Variants in NCAM1 observed in about 807,000 individuals in gnomAD.
NCAM1 encodes the protein antigen recognized by monoclonal antibody 5.1H11.
A neutral mutation model predicts 109.8 loss-of-function variants in NCAM1; 14 were observed. The observed-to-expected ratio is 0.13, with a 90% confidence interval of 0.08 to 0.20. The LOEUF is 0.20. NCAM1 is among the 10% of genes least tolerant of loss of function. The pLI, the probability that NCAM1 is intolerant of heterozygous loss-of-function variation, is 1.00. For missense variants in NCAM1, 774 were observed against 1,109.9 expected (o/e 0.70, Z 4.30); for synonymous variants, 418 against 442.9 (o/e 0.94, Z 0.70).
Position 112,963,052 on chromosome 11 carries a change from G to A in NCAM1, c.52+1388G>A, listed in dbSNP as rs1950614635. Among the ~76,000 whole-genome samples the A allele has an allele frequency of 6.6e-6, 1 of 152,090 alleles. No individual in the cohort carries two copies. Among genetic ancestry groups the A allele is most frequent in the Admixed American group, 6.5e-5 (1 of 15,294 alleles). On this transcript the variant is annotated intron_variant, in intron 1 of 19. Transcript: ENST00000316851. This position sits in a 1 kb window ranked among gnomAD's most constrained non-coding sequence, Gnocchi z 4.6. ...GGCGGCACAAGAGCAGCGCTCGGCC[G>A]CCGCCTCCAGCCAACTCGGGTCCCT...
intron 1 of NCAM1, among the ~76,000 whole-genome samples, chr11:113,053,830 G>A (rs1281127040): frequency 2.0e-5 from 3 of 152,172 alleles, no homozygotes; most frequent in African/African-American, 7.2e-5. Context: ...GTCCCTGGAA[G>A]TCCCTGGGGG....
rs946055322 is a variant in NCAM1 at position 113,040,399 on chromosome 11, T to A, written c.52+78735T>A. Among the ~76,000 whole-genome samples, 12 of 152,254 alleles carry A rather than the reference T, an allele frequency of 7.9e-5. No homozygotes were observed. In the East Asian group the frequency reaches 1.9e-3, roughly 25 times the overall value. Reference sequence around the variant, plus strand: ...AAAGGAACAATTGTATCATTACCCTTAAAAAGGGGACAGCAAACATTTTCA... The same window carrying A: ...AAAGGAACAATTGTATCATTACCCTAAAAAAGGGGACAGCAAACATTTTCA... On this transcript the variant is annotated intron_variant, in intron 1 of 19. Transcript: ENST00000316851.
At chr11:113,131,661 C>T (rs1296422533) in intron 1 of NCAM1, among the ~76,000 whole-genome samples, 4 of 152,232 alleles carry the variant, frequency 2.6e-5, no homozygotes, top group Admixed American at 2.0e-4. Context: ...GCAGGCTGTG[C>T]TCCACACAGT....
intron 17 of NCAM1, chr11:113,262,780 CCCACTG>C: frequency 6.4e-7 from 1 of 1,559,696 alleles, no homozygotes; most frequent in Admixed American, 1.8e-5. Flanking sequence ...CTGGGACATC[CCCACTG>C]CCACATTTGT....
At chr11:113,111,304 G>C (rs1940434244) in intron 1 of NCAM1, among the ~76,000 whole-genome samples, 2 of 151,984 alleles carry the variant, frequency 1.3e-5, no homozygotes, top group African/African-American at 4.8e-5. Context: ...AATTGCAAAA[G>C]TAATTATGTT....
chr11:113,183,149 C>G (rs917525724), intron 1 of NCAM1, among the ~76,000 whole-genome samples: 32 of 152,142 alleles, frequency 2.1e-4, no homozygotes, highest in Non-Finnish European at 2.9e-4. Flanking sequence ...TTTGTAGGGG[C>G]AAGACCAGAA....
intron 1 of NCAM1, among the ~76,000 whole-genome samples, chr11:113,056,007 A>G (rs1216779515): frequency 8.0e-6 from 1 of 124,748 alleles, no homozygotes; most frequent in African/African-American, 3.2e-5. Context: ...ATATATATAT[A>G]TATATATATA....
At chr11:113,267,035 C>A (rs1474708402) in intron 17 of NCAM1, among the ~76,000 whole-genome samples, 1 of 152,212 alleles carries the variant, frequency 6.6e-6, no homozygotes, top group Non-Finnish European at 1.5e-5. Flanking sequence ...CCTCTCAGAG[C>A]AGCCCACACT....
At chr11:113,104,462 TTATC>T (rs1940054691) in intron 1 of NCAM1, among the ~76,000 whole-genome samples, 1 of 151,986 alleles carries the variant, frequency 6.6e-6, no homozygotes, top group Non-Finnish European at 1.5e-5. Context: ...CATTTGAAAC[TTATC>T]TATTTGTTAT....
intron 1 of NCAM1, among the ~76,000 whole-genome samples, chr11:112,967,876 G>A (rs1950770456): frequency 6.6e-6 from 1 of 152,110 alleles, no homozygotes; most frequent in East Asian, 1.9e-4. Flanking sequence ...GGTCTTGTTG[G>A]GCCTGAAGGG....
chr11:113,005,711 C>T (rs2135043829), intron 1 of NCAM1, among the ~76,000 whole-genome samples: 1 of 152,286 alleles, frequency 6.6e-6, no homozygotes, highest in Admixed American at 6.5e-5. Context: ...ATTTTACAGA[C>T]TTTCAGACAA....
chr11:112,971,209 G>A (rs1219644230), intron 1 of NCAM1, among the ~76,000 whole-genome samples: 1 of 151,816 alleles, frequency 6.6e-6, no homozygotes, highest in African/African-American at 2.4e-5. Flanking sequence ...GGTAAGTACT[G>A]CTTTGAGTAC....
chr11:113,064,686 C>G (rs1175723406), intron 1 of NCAM1, among the ~76,000 whole-genome samples: 4 of 152,012 alleles, frequency 2.6e-5, no homozygotes, highest in African/African-American at 9.7e-5. Flanking sequence ...ATATTTTAAC[C>G]CACTCTTAAA....
intron 1 of NCAM1, among the ~76,000 whole-genome samples, chr11:113,115,273 G>A (rs1555094617): frequency 1.3e-5 from 2 of 152,112 alleles, no homozygotes; most frequent in African/African-American, 4.8e-5. Flanking sequence ...TAGGTACTGT[G>A]TCAAGGAAGC....
rs10562516 is a variant in NCAM1, at chr11:113,169,036, CTGTGTGTGTG to C, written c.53-33317_53-33308del. ...GAGAAGATCCTCTCTCTTCCTCTTT[CTGTGTGTGTG>C]TGTGTGTGTGTGTGTGTGTGTGTGT... On this transcript the variant is annotated intron_variant, in intron 1 of 19. Coordinates refer to ENST00000316851, the MANE Select transcript of NCAM1 (RefSeq NM_181351.5). Among the ~76,000 whole-genome samples the C allele has an allele frequency of 6.1e-3, 891 of 146,892 alleles. 13 individuals are homozygous for C. The highest frequency in any genetic ancestry group is 0.021 in the African/African-American group (818 of 39,892).
intron 1 of NCAM1, among the ~76,000 whole-genome samples, chr11:113,005,178 TAGA>T (rs1951862712): frequency 6.6e-6 from 1 of 152,198 alleles, no homozygotes; most frequent in Non-Finnish European, 1.5e-5. Flanking sequence ...CTTCTCTTAG[TAGA>T]AGAAAACTAC....
At chr11:113,143,153 G>A (rs1372406978) in intron 1 of NCAM1, among the ~76,000 whole-genome samples, 1 of 152,074 alleles carries the variant, frequency 6.6e-6, no homozygotes, top group Non-Finnish European at 1.5e-5. Context: ...GTAATACCCA[G>A]TGCAATTATC....
intron 1 of NCAM1, among the ~76,000 whole-genome samples, chr11:113,068,627 C>T (rs1555084667): frequency 2.6e-5 from 4 of 152,202 alleles, no homozygotes. Context: ...ACGGTCTAAT[C>T]CTTGCTCTAT....
intron 1 of NCAM1, among the ~76,000 whole-genome samples, chr11:113,136,451 G>T (rs568630118): frequency 2.0e-5 from 3 of 152,128 alleles, no homozygotes; most frequent in African/African-American, 7.2e-5. Context: ...CAGGAGCAAG[G>T]CCCCCCAGTG....
Sources: allele counts gnomAD v4.1 joint callset (sites outside exome capture counted in the v4.1 genomes callset), GRCh38; gene constraint gnomAD v4.1.1; non-coding constraint Gnocchi (gnomAD v3.1); transcripts MANE v1.5; gene names NCBI Gene and HGNC (gene_info 2026-07-23, HGNC 2026-07-21).